The following CLSTN1 variants were observed in gnomAD, a reference collection of about 807,000 sequenced individuals.
The protein encoded by CLSTN1 is calsyntenin-1.
A neutral mutation model predicts 108.3 loss-of-function variants in CLSTN1; 28 were observed. The observed-to-expected ratio is 0.26, with a 90% confidence interval of 0.19 to 0.35. The LOEUF is 0.35. CLSTN1 is among the 10% of genes least tolerant of loss of function. The pLI is 1.00. For missense variants in CLSTN1, 1,157 were observed against 1,302.6 expected, an observed-to-expected ratio of 0.89 and a Z score of 1.72; for synonymous variants, 524 against 534.9, an observed-to-expected ratio of 0.98 and a Z score of 0.28.
intron 1 of CLSTN1, among the ~76,000 whole-genome samples, chr1:9,813,896 G>A (rs1480079042): frequency 2.0e-5 from 3 of 151,426 alleles, no homozygotes; most frequent in Non-Finnish European, 4.4e-5. Context: ...TGAGGAGATC[G>A]AGACCATCCT....
intron 1 of CLSTN1, among the ~76,000 whole-genome samples, chr1:9,816,536 TA>T (rs372892139): frequency 0.061 from 8,645 of 140,934 alleles, 642 homozygotes; most frequent in African/African-American, 0.19. Flanking sequence ...AAAGCTGCTT[TA>T]AAAAAAAAAA....
At chr1:9,768,956 G>GTCGCCGTATCATT (rs1652520126) in intron 2 of CLSTN1, among the ~76,000 whole-genome samples, 1 of 136,062 alleles carries the variant, frequency 7.3e-6, no homozygotes, top group Admixed American at 7.5e-5. Flanking sequence ...AGGGAGGGAG[G>GTCGCCGTATCATT]AAAAGGGGGA....
chr1:9,750,000 G>C (rs913701354), intron 5 of CLSTN1, 87 bp from the exon 6 acceptor site: 17 of 1,092,346 alleles, frequency 1.6e-5, no homozygotes, highest in Admixed American at 6.4e-5. Context: ...AAATGCATAG[G>C]CTTTAAGCCC....
chr1:9,731,133 G>GC, intron 18 of CLSTN1, 73 bp downstream of exon 18: 1 of 1,565,628 alleles, frequency 6.4e-7, no homozygotes, highest in South Asian at 1.1e-5. Flanking sequence ...TGAAGGAGCC[G>GC]CGCCGTACCG....
chr1:9,742,123 C>T (rs1012463016), intron 9 of CLSTN1, among the ~76,000 whole-genome samples: 1 of 152,186 alleles, frequency 6.6e-6, no homozygotes, highest in Non-Finnish European at 1.5e-5. Flanking sequence ...TGGGTCGTAA[C>T]TCAAACAAAT....
At chr1:9,810,956 A>G (rs1050360438) in intron 1 of CLSTN1, among the ~76,000 whole-genome samples, 7 of 152,150 alleles carry the variant, frequency 4.6e-5, no homozygotes, top group African/African-American at 1.7e-4. Context: ...TTTATATGCA[A>G]CAAGAAAAAT....
At chr1:9,764,637 TAA>T (rs70998307) in intron 2 of CLSTN1, among the ~76,000 whole-genome samples, 3,823 of 82,322 alleles carry the variant, frequency 0.046, 246 homozygotes, top group African/African-American at 0.16. Context: ...GCTCCATCTT[TAA>T]AAAAAAAAAA....
intron 1 of CLSTN1, among the ~76,000 whole-genome samples, chr1:9,780,455 G>A (rs1156512389): frequency 6.6e-6 from 1 of 152,106 alleles, no homozygotes; most frequent in African/African-American, 2.4e-5. Flanking sequence ...AAATGGAAAG[G>A]CCTGCAGCTG....
chr1:9,762,926 T>C (rs1015020133), intron 2 of CLSTN1, among the ~76,000 whole-genome samples: 1 of 152,164 alleles, frequency 6.6e-6, no homozygotes, highest in African/African-American at 2.4e-5. Context: ...AATGAGCTCA[T>C]ACGTGTCTCT....
chr1:9,819,058 T>G (rs1030398582), intron 1 of CLSTN1, among the ~76,000 whole-genome samples: 1 of 152,008 alleles, frequency 6.6e-6, no homozygotes, highest in East Asian at 1.9e-4. Flanking sequence ...CCTCCCAAAA[T>G]GCTGGGATTA....
chr1:9,823,672 A>G lies in CLSTN1; in HGVS notation c.62T>C (p.Leu21Pro). Reference protein sequence around the residue: ...PAARLLLAGLLCGGGVWAARV... With the variant: ...PAARLLLAGLPCGGGVWAARV... Reference sequence around the variant, plus strand: ...CGCGGCCCAGACCCCGCCGCCGCACAGCAGCCCGGCCAGCAGCAGCCGGGC... The same window carrying G: ...CGCGGCCCAGACCCCGCCGCCGCACGGCAGCCCGGCCAGCAGCAGCCGGGC... Residue 21 changes from leucine (L) to proline (P), a missense_variant, in exon 1 of 19, where the codon CTG becomes CCG. Leu to Pro is a moderately conservative substitution (Grantham distance 98). Transcript: ENST00000377298. This position sits in a 1 kb window ranked among gnomAD's most constrained non-coding sequence, Gnocchi z 6.3. 1 of 1,175,512 alleles carries G rather than the reference A, an allele frequency of 8.5e-7. No individual in the cohort carries two copies. The highest frequency in any genetic ancestry group is 1.1e-6 in the Non-Finnish European group (1 of 950,794). 72.8% of individuals were successfully genotyped at this position (1,175,512 alleles called of 1,614,324 possible).
At position 9,730,956 on chromosome 1, in the gene CLSTN1, T is replaced by A. The variant is rs1168738236; in HGVS notation, c.2748+250A>T. Among the ~76,000 whole-genome samples, 4 of 152,062 alleles carry A rather than the reference T, an allele frequency of 2.6e-5. No individual in the cohort carries two copies. The highest frequency in any genetic ancestry group is 9.7e-5 in the African/African-American group (4 of 41,390). The stretch of plus-strand genomic sequence containing the variant: ...CACCTCAGCTGCCCCACCAGAGAAC[T>A]CTCTCAGGATTACCATGACCCAAGA... On this transcript the variant is annotated intron_variant, in intron 18 of 18. Coordinates refer to ENST00000377298, the MANE Select transcript of CLSTN1 (RefSeq NM_001009566.3). This position sits in a 1 kb window ranked among gnomAD's most constrained non-coding sequence, Gnocchi z 5.6.
At chr1:9,736,221 G>T (rs566405617) in intron 11 of CLSTN1, among the ~76,000 whole-genome samples, 179 bp from the exon 12 acceptor site, 2 of 152,310 alleles carry the variant, frequency 1.3e-5, no homozygotes, top group East Asian at 3.9e-4. Context: ...AAATTAAACC[G>T]TTTATGATCA....
At chr1:9,813,549 T>C (rs1203138465) in intron 1 of CLSTN1, among the ~76,000 whole-genome samples, 2 of 152,058 alleles carry the variant, frequency 1.3e-5, no homozygotes, top group Non-Finnish European at 2.9e-5. Flanking sequence ...TAATAATTTT[T>C]GAACAAGGGG....
At chr1:9,822,889 G>A (rs61785192) in intron 1 of CLSTN1, among the ~76,000 whole-genome samples, 2 of 152,276 alleles carry the variant, frequency 1.3e-5, no homozygotes, top group East Asian at 3.9e-4. Flanking sequence ...CTAAATGACC[G>A]TCAGAAAAAC....
chr1:9,820,451 G>A (rs1490242823), intron 1 of CLSTN1, among the ~76,000 whole-genome samples: 3 of 152,040 alleles, frequency 2.0e-5, no homozygotes, highest in East Asian at 1.9e-4. Context: ...CCCGGGAGGC[G>A]GAGGTTGCAG....
At chr1:9,732,034 C>T (rs1252347949) in intron 16 of CLSTN1, 138 bp from the exon 17 acceptor site, 5 of 756,042 alleles carry the variant, frequency 6.6e-6, no homozygotes, top group Admixed American at 4.1e-5. Flanking sequence ...AACGGAGCTA[C>T]GGGAAAAGGA....
chr1:9,813,324 C>A (rs895706215), intron 1 of CLSTN1, among the ~76,000 whole-genome samples: 2 of 151,692 alleles, frequency 1.3e-5, no homozygotes, highest in African/African-American at 4.8e-5. Flanking sequence ...CTGGTGAAAC[C>A]CTGTCGCTAC....
At chr1:9,802,314 C>T (rs767762) in intron 1 of CLSTN1, among the ~76,000 whole-genome samples, 115,699 of 152,152 alleles carry the variant, frequency 0.76, 48,210 homozygotes, top group Non-Finnish European at 0.92. Context: ...CAGGGCCTGG[C>T]TAAATTATAT....
Sources: gnomAD v4.1 joint callset for allele counts (sites outside exome capture counted in the v4.1 genomes callset) on GRCh38, gnomAD v4.1.1 for gene constraint, Gnocchi (gnomAD v3.1) non-coding constraint, MANE v1.5 for transcripts, NCBI Gene and HGNC (gene_info 2026-07-23, HGNC 2026-07-21) for gene names.